QKI: variants seen among roughly 807,000 people sequenced by gnomAD.
The protein encoded by QKI is QKI, KH domain containing RNA binding.
In QKI, 10 loss-of-function variants were observed where a neutral mutation model predicts 39.0. The ratio of observed to expected loss-of-function variants is 0.26; its 90% CI spans 0.16 to 0.43. QKI has a LOEUF of 0.43. Ranked by LOEUF, QKI falls within the 20% of genes least tolerant of loss-of-function variation. The pLI is 1.00. For synonymous variants in QKI, 204 were observed against 155.4 expected, an observed-to-expected ratio of 1.31 and a Z score of -2.33; for missense variants, 218 against 428.0, an observed-to-expected ratio of 0.51 and a Z score of 4.33.
At chr6:163,457,414 C>T (rs1356008867) in intron 2 of QKI, 14 of 455,856 alleles carry the variant, frequency 3.1e-5, no homozygotes, top group Non-Finnish European at 4.4e-5. Context: ...CTACTATTAC[C>T]GACTGGTGTG....
intron 1 of QKI, among the ~76,000 whole-genome samples, chr6:163,452,312 ACCTTT>A (rs1165462380): frequency 6.6e-6 from 1 of 152,206 alleles, no homozygotes; most frequent in African/African-American, 2.4e-5. Context: ...TGTCTTAGTT[ACCTTT>A]TCATTCCCAT....
At chr6:163,552,466 T>C (rs1782294749) in intron 4 of QKI, among the ~76,000 whole-genome samples, 1 of 152,116 alleles carries the variant, frequency 6.6e-6, no homozygotes, top group East Asian at 1.9e-4. Flanking sequence ...TACCTCGGCC[T>C]CCCGAAGTGC....
At chr6:163,419,771 T>C (rs1451051439) in intron 1 of QKI, among the ~76,000 whole-genome samples, 1 of 152,218 alleles carries the variant, frequency 6.6e-6, no homozygotes, top group Non-Finnish European at 1.5e-5. Context: ...TGTATCCGAC[T>C]GTAACACAGT....
chr6:163,509,424 T>G (rs1025235193), intron 3 of QKI, among the ~76,000 whole-genome samples: 14 of 151,876 alleles, frequency 9.2e-5, no homozygotes, highest in Non-Finnish European at 1.5e-4. Flanking sequence ...TAACCATTTT[T>G]TTTGCTCCTT....
At chr6:163,439,609 C>G (rs2128214274) in intron 1 of QKI, among the ~76,000 whole-genome samples, 1 of 151,348 alleles carries the variant, frequency 6.6e-6, no homozygotes, top group South Asian at 2.1e-4. Context: ...TTATCTCGGC[C>G]TCCCAAAGTG....
intron 1 of QKI, among the ~76,000 whole-genome samples, chr6:163,424,312 A>G (rs977704945): frequency 6.6e-6 from 1 of 152,184 alleles, no homozygotes; most frequent in Non-Finnish European, 1.5e-5. Context: ...AGAGTATTCA[A>G]GTTTTAACTC....
At chr6:163,564,714 G>C (rs1196728315) in intron 6 of QKI, 3 of 1,614,020 alleles carry the variant, frequency 1.9e-6, no homozygotes, top group East Asian at 4.5e-5. Flanking sequence ...CCATTGACTT[G>C]CTGGATGAAG....
intron 3 of QKI, among the ~76,000 whole-genome samples, chr6:163,512,118 A>G (rs925272111): frequency 6.6e-6 from 1 of 152,128 alleles, no homozygotes; most frequent in Non-Finnish European, 1.5e-5. Flanking sequence ...TCTAGGAGCA[A>G]CAGAAGTATT....
Position 163,566,932 on chromosome 6 carries a change from C to G in QKI, c.1009+137C>G, listed in dbSNP as rs1783398985. The G allele has an allele frequency of 7.6e-6, 11 of 1,443,590 alleles. No homozygotes were observed. In the South Asian group the frequency reaches 1.0e-4, roughly 14 times the overall value. 89.4% of individuals were successfully genotyped at this position (1,443,590 alleles called of 1,614,324 possible). On this transcript the variant is annotated intron_variant, in intron 7 of 7. Coordinates refer to ENST00000361752, the MANE Select transcript of QKI (RefSeq NM_006775.3). ...TTCCTTTTCTAAATTTGTTTGTGATCATTGACAGATTTAAGGGTTGGGTTT... is the reference window on the plus strand; with the variant it reads ...TTCCTTTTCTAAATTTGTTTGTGATGATTGACAGATTTAAGGGTTGGGTTT...
intron 3 of QKI, among the ~76,000 whole-genome samples, chr6:163,514,308 T>TA (rs1779661599): frequency 2.0e-5 from 3 of 152,102 alleles, no homozygotes; most frequent in South Asian, 2.1e-4. Flanking sequence ...ATACTGTATT[T>TA]AAAAAATCAT....
chr6:163,553,263 C>T (rs1423695339), intron 4 of QKI, among the ~76,000 whole-genome samples: 1 of 151,772 alleles, frequency 6.6e-6, no homozygotes, highest in Non-Finnish European at 1.5e-5. Flanking sequence ...ACCACCATTG[C>T]CAGCTAATTT....
rs150870641 is a variant in QKI, at chr6:163,539,551, C to A, written c.546+4426C>A. Among the ~76,000 whole-genome samples the A allele has an allele frequency of 5.7e-3, 860 of 152,206 alleles. 11 individuals are homozygous for A. The highest frequency in any genetic ancestry group is 0.019 in the African/African-American group (799 of 41,524). On this transcript the variant is annotated intron_variant, in intron 4 of 7. Transcript: ENST00000361752. ...GTAGTTCCTTAGACCTTTCCATTAC[C>A]CCTAAAGGTGCCTTCCTAAATAGGC...
intron 3 of QKI, among the ~76,000 whole-genome samples, chr6:163,507,034 A>G (rs1779143723): frequency 6.6e-6 from 1 of 152,210 alleles, no homozygotes; most frequent in Non-Finnish European, 1.5e-5. Context: ...AAAAATGGCT[A>G]GGAAATTGAC....
intron 3 of QKI, among the ~76,000 whole-genome samples, chr6:163,483,432 G>A (rs1200133955): frequency 1.3e-5 from 2 of 152,140 alleles, no homozygotes; most frequent in Non-Finnish European, 2.9e-5. Context: ...CTTTTTGATA[G>A]CATTTTACCC....
Position 163,570,928 on chromosome 6 carries a change from T to A in QKI, c.*218T>A, listed in dbSNP as rs1021681060. 1.6e-6 allele frequency: 1 copy of A among 608,328 alleles called. No homozygotes were observed. Among genetic ancestry groups the A allele is most frequent in the Non-Finnish European group, 2.7e-6 (1 of 367,990 alleles). The allele number at this position is 608,328 out of a possible 1,614,324, so 37.7% of individuals were successfully genotyped here. Reference sequence around the variant, plus strand: ...TTTTTTTTTCCTGTTTGGGTGAAAGTGGTTCTAGAAACTGCACTGAATAGT... The same window carrying A: ...TTTTTTTTTCCTGTTTGGGTGAAAGAGGTTCTAGAAACTGCACTGAATAGT... On this transcript the variant is annotated 3_prime_UTR_variant, in exon 8 of 8. Transcript: ENST00000361752.
intron 2 of QKI, among the ~76,000 whole-genome samples, chr6:163,460,480 A>G (rs1231136510): frequency 6.6e-6 from 1 of 152,220 alleles, no homozygotes; most frequent in Non-Finnish European, 1.5e-5. Context: ...ATGATGGAAC[A>G]CGAGTTGTAA....
chr6:163,494,146 A>G (rs1338509686), intron 3 of QKI, among the ~76,000 whole-genome samples: 3 of 152,228 alleles, frequency 2.0e-5, no homozygotes, highest in Admixed American at 6.5e-5. Context: ...AGGAAAAATA[A>G]TAAAAAATAA....
At chr6:163,515,072 A>G (rs1399396596) in intron 3 of QKI, among the ~76,000 whole-genome samples, 2 of 152,222 alleles carry the variant, frequency 1.3e-5, no homozygotes, top group South Asian at 2.1e-4. Flanking sequence ...TTAAAAATGA[A>G]CAAAGTGTGT....
At chr6:163,545,333 T>A (rs1417066339) in intron 4 of QKI, among the ~76,000 whole-genome samples, 1 of 152,144 alleles carries the variant, frequency 6.6e-6, no homozygotes, top group Non-Finnish European at 1.5e-5. Context: ...AGGCACATTG[T>A]CCTAACTAGA....
Sources: gnomAD v4.1 joint callset for allele counts (sites outside exome capture counted in the v4.1 genomes callset) on GRCh38, gnomAD v4.1.1 for gene constraint, MANE v1.5 for transcripts, NCBI Gene and HGNC (gene_info 2026-07-23, HGNC 2026-07-21) for gene names.